Variants in EPHB1 observed in about 807,000 individuals in gnomAD.
EPHB1 encodes the protein EPH receptor B1, also known as ephrin type-B receptor 1.
In EPHB1, 30 loss-of-function variants were observed where a neutral mutation model predicts 94.4. The observed-to-expected ratio is 0.32, with a 90% CI of 0.24 to 0.43. The LOEUF is 0.43. Ranked by LOEUF, EPHB1 falls within the 20% of genes least tolerant of loss-of-function variation. EPHB1 has a pLI of 1.00. For synonymous variants in EPHB1, 522 were observed against 489.1 expected, an observed-to-expected ratio of 1.07 and a Z score of -0.89; for missense variants, 1,055 against 1,308.3, an observed-to-expected ratio of 0.81 and a Z score of 2.99.
intron 12 of EPHB1, among the ~76,000 whole-genome samples, chr3:135,227,419 T>G (rs1262159752): frequency 2.0e-5 from 3 of 152,244 alleles, no homozygotes; most frequent in Admixed American, 2.0e-4. Flanking sequence ...TGTGTGTGTA[T>G]GCATATGTGT....
chr3:134,888,712 A>G (rs931196998), intron 1 of EPHB1, among the ~76,000 whole-genome samples: 2 of 151,860 alleles, frequency 1.3e-5, no homozygotes, highest in Non-Finnish European at 2.9e-5. Flanking sequence ...ATCTCAAAAA[A>G]AAAAAAAAAA....
At chr3:134,970,795 G>A (rs1211044706) in intron 3 of EPHB1, among the ~76,000 whole-genome samples, 3 of 152,166 alleles carry the variant, frequency 2.0e-5, no homozygotes, top group African/African-American at 7.2e-5. Flanking sequence ...CGTTCATCAG[G>A]CAAAACAGGT....
chr3:134,879,513 G>A (rs1047224252), intron 1 of EPHB1, among the ~76,000 whole-genome samples: 2 of 152,190 alleles, frequency 1.3e-5, no homozygotes, highest in Middle Eastern at 3.4e-3. Flanking sequence ...ATAAGTGGGT[G>A]TAGTGGGGTG....
chr3:135,011,899 C>G (rs1935632599), intron 3 of EPHB1, among the ~76,000 whole-genome samples: 1 of 152,134 alleles, frequency 6.6e-6, no homozygotes, highest in Non-Finnish European at 1.5e-5. Context: ...TTTCCTATCT[C>G]CTGTTTTGAA....
chr3:135,104,310 C>T (rs906012767), intron 3 of EPHB1, among the ~76,000 whole-genome samples: 11 of 152,174 alleles, frequency 7.2e-5, no homozygotes, highest in African/African-American at 2.7e-4. Context: ...AGAGAGGGAC[C>T]GTAATGAGTG....
intron 10 of EPHB1, among the ~76,000 whole-genome samples, chr3:135,180,790 C>T (rs1174856144): frequency 6.6e-6 from 1 of 152,202 alleles, no homozygotes; most frequent in African/African-American, 2.4e-5. Context: ...AAATCTCATT[C>T]CTGCGTCTTA....
chr3:135,259,262 C>A lies in EPHB1; in HGVS notation c.*142C>A. ...TCCATCAGTGAAGAATCAACCGGAC[C>A]TGTTGCTAGCAGGCAATCTCCATTT... On this transcript the variant is annotated 3_prime_UTR_variant, in exon 16 of 16. Coordinates refer to ENST00000398015, the MANE Select transcript of EPHB1 (RefSeq NM_004441.5). The A allele has an allele frequency of 1.6e-6, 1 of 609,050 alleles. No homozygotes were observed. The highest frequency in any genetic ancestry group is 2.8e-6 in the Non-Finnish European group (1 of 359,498). The allele number at this position is 609,050 out of a possible 1,614,324, so 37.7% of individuals were successfully genotyped here. A position where few individuals can be genotyped will look rare whatever the true frequency, so the allele number is the denominator to read the frequency against.
chr3:135,061,511 A>G (rs1219170475), intron 3 of EPHB1, among the ~76,000 whole-genome samples: 7 of 152,226 alleles, frequency 4.6e-5, no homozygotes, highest in Middle Eastern at 3.4e-3. Flanking sequence ...AATAGTCTCC[A>G]GTCTCATCTA....
chr3:134,927,533 C>T (rs183727972), intron 2 of EPHB1, among the ~76,000 whole-genome samples: 2 of 152,292 alleles, frequency 1.3e-5, no homozygotes, highest in East Asian at 1.9e-4. Context: ...TTCCATATCA[C>T]CTGGATATTA....
chr3:135,100,704 G>A (rs558980743), intron 3 of EPHB1, among the ~76,000 whole-genome samples: 21 of 152,284 alleles, frequency 1.4e-4, no homozygotes, highest in African/African-American at 5.1e-4. Flanking sequence ...GGAGTGTCTC[G>A]AGAGTATGGT....
At chr3:135,119,652 A>T (rs1022814944) in intron 4 of EPHB1, among the ~76,000 whole-genome samples, 3 of 152,094 alleles carry the variant, frequency 2.0e-5, no homozygotes, top group Non-Finnish European at 2.9e-5. Flanking sequence ...GGGTTTTGCC[A>T]TGTTGGCCAG....
intron 11 of EPHB1, among the ~76,000 whole-genome samples, chr3:135,193,383 G>A (rs1485384402): frequency 1.3e-5 from 2 of 152,232 alleles, no homozygotes; most frequent in Non-Finnish European, 2.9e-5. Context: ...CAGAAGTGGG[G>A]AGTTGCTGAA....
intron 3 of EPHB1, among the ~76,000 whole-genome samples, chr3:134,994,341 T>A (rs1934919017): frequency 2.0e-5 from 3 of 152,198 alleles, no homozygotes; most frequent in Admixed American, 1.3e-4. Flanking sequence ...CCTCTCCCTG[T>A]CTGCACTGCT....
chr3:134,999,776 C>T lies in EPHB1; in HGVS notation c.805+47724C>T, dbSNP rs77778812. 5.5e-3 allele frequency among the ~76,000 whole-genome samples: 831 copies of T among 152,304 alleles called. 5 individuals carry two copies. The highest frequency in any genetic ancestry group is 0.019 in the African/African-American group (784 of 41,558). Reference sequence around the variant, plus strand: ...CAGTACTACCAGAGAGCCTATAAAGCGTCTTGCCTCAGGTGGCCTTGTGAC... The same window carrying T: ...CAGTACTACCAGAGAGCCTATAAAGTGTCTTGCCTCAGGTGGCCTTGTGAC... On this transcript the variant is annotated intron_variant, in intron 3 of 15. Transcript: ENST00000398015.
At position 135,164,858 on chromosome 3, in the gene EPHB1, A is replaced by T. The variant is rs373660543; in HGVS notation, c.1586-1110A>T. ...GTATTGTCATTAGGGTTGCTAGATA[A>T]AAAATAAGATGAACAGTTAAATTTG... is the stretch of plus-strand genomic sequence containing the variant. On this transcript the variant is annotated intron_variant, in intron 7 of 15. Transcript: ENST00000398015. Among the ~76,000 whole-genome samples the T allele has an allele frequency of 9.9e-4, 151 of 152,242 alleles. 4 individuals carry two copies. In the South Asian group the frequency reaches 0.029, roughly 29 times the overall value.
chr3:135,182,587 T>A (rs1019448186), intron 10 of EPHB1, among the ~76,000 whole-genome samples: 5 of 152,234 alleles, frequency 3.3e-5, no homozygotes, highest in African/African-American at 1.2e-4. Context: ...AAGAGCAGCA[T>A]CCAGCTTGCT....
chr3:135,185,107 C>T (rs1292200493), intron 10 of EPHB1, among the ~76,000 whole-genome samples: 1 of 152,204 alleles, frequency 6.6e-6, no homozygotes, highest in African/African-American at 2.4e-5. Flanking sequence ...TATGTCTCCT[C>T]TGACTCTAGC....
intron 6 of EPHB1, among the ~76,000 whole-genome samples, chr3:135,161,089 G>T (rs1391654934): frequency 6.6e-6 from 1 of 152,182 alleles, no homozygotes; most frequent in Non-Finnish European, 1.5e-5. Flanking sequence ...GGCTGCAAAA[G>T]TCCAGGCACA....
rs574277818 is a variant in EPHB1 at position 134,951,273 on chromosome 3, C to T, written c.124-98C>T. 287 of 1,135,058 alleles carry T rather than the reference C, an allele frequency of 2.5e-4. No individual in the cohort carries two copies. The highest frequency in any genetic ancestry group is 6.2e-4 in the Admixed American group (21 of 33,664). The allele number at this position is 1,135,058 out of a possible 1,614,324, so 70.3% of individuals were successfully genotyped here. A position where few individuals can be genotyped will look rare whatever the true frequency, so the allele number is the denominator to read the frequency against. ...GCTGGACTGGTGAGCTCTTAAGGCCCCTTAGCCCCAGGATTCTCCTCTGCT... is the reference window on the plus strand; with the variant it reads ...GCTGGACTGGTGAGCTCTTAAGGCCTCTTAGCCCCAGGATTCTCCTCTGCT... On this transcript the variant is annotated intron_variant, in intron 2 of 15. Coordinates refer to ENST00000398015, the MANE Select transcript of EPHB1 (RefSeq NM_004441.5). This position sits in a 1 kb window ranked among gnomAD's most constrained non-coding sequence, Gnocchi z 4.5.
Sources: allele counts gnomAD v4.1 joint callset (sites outside exome capture counted in the v4.1 genomes callset), GRCh38; gene constraint gnomAD v4.1.1; non-coding constraint Gnocchi (gnomAD v3.1); transcripts MANE v1.5; gene names NCBI Gene and HGNC (gene_info 2026-07-23, HGNC 2026-07-21).